LRRC75A: variants seen among roughly 807,000 people sequenced by gnomAD.
LRRC75A encodes leucine rich repeat containing 75A.
LRRC75A carries 12 observed loss-of-function variants against 26.0 expected under a neutral mutation model. The observed-to-expected ratio is 0.46, with a 90% CI of 0.30 to 0.75. LRRC75A has a LOEUF of 0.75. Among genes scored for constraint, LRRC75A ranks in the 30% least tolerant of loss-of-function variants. The pLI is 0.08. For missense variants in LRRC75A, 410 were observed against 486.6 expected (o/e 0.84, Z 1.48); for synonymous variants, 223 against 219.3 (o/e 1.02, Z -0.15).
At chr17:16,464,372 G>A (rs930104090) in intron 1 of LRRC75A, among the ~76,000 whole-genome samples, 3 of 152,178 alleles carry the variant, frequency 2.0e-5, no homozygotes, top group Admixed American at 2.0e-4. Context: ...CTCTGGCCCT[G>A]CCCTGGCTTT....
chr17:16,474,227 C>T (rs115784332), intron 1 of LRRC75A, among the ~76,000 whole-genome samples: 1 of 152,320 alleles, frequency 6.6e-6, no homozygotes, highest in African/African-American at 2.4e-5. Context: ...GCAAGCCACC[C>T]TCCTACACCA....
chr17:16,476,900 G>A lies in LRRC75A; in HGVS notation c.247-14514C>T, dbSNP rs569009707. ...ACCACAGGCGCCCACCACCACGCCT[G>A]GCTAATTTTTTGTATTTTTAGTAGA... On this transcript the variant is annotated intron_variant, in intron 1 of 3. Transcript: ENST00000470794. Among the ~76,000 whole-genome samples the A allele has an allele frequency of 1.7e-3, 266 of 152,024 alleles. 1 individual carries two copies. Among genetic ancestry groups the A allele is most frequent in the Non-Finnish European group, 3.0e-3 (207 of 67,982 alleles).
Position 16,462,724 on chromosome 17 carries a change from T to C in LRRC75A, c.247-338A>G, listed in dbSNP as rs2143156080. 1 of 273,722 alleles carries C rather than the reference T, an allele frequency of 3.7e-6. No homozygotes were observed. Among genetic ancestry groups the C allele is most frequent in the South Asian group, 6.8e-5 (1 of 14,648 alleles). The allele number at this position is 273,722 out of a possible 1,614,324, so 17.0% of individuals were successfully genotyped here. On this transcript the variant is annotated intron_variant, in intron 1 of 3. Coordinates refer to ENST00000470794, the MANE Select transcript of LRRC75A (RefSeq NM_001113567.3). The surrounding 1 kb of genome is among the most constrained non-coding windows in gnomAD (Gnocchi z 4.6). ...CTGCCTCGGTGCAAGCAGCTGCTTCTCTATGGTGGCAAAATTTGGAATTAA... is the reference window on the plus strand; with the variant it reads ...CTGCCTCGGTGCAAGCAGCTGCTTCCCTATGGTGGCAAAATTTGGAATTAA...
chr17:16,485,631 A>AGTGT lies in LRRC75A; in HGVS notation c.246+6110_246+6113dup, dbSNP rs35125617. Among the ~76,000 whole-genome samples, 802 of 128,480 alleles carry AGTGT rather than the reference A, an allele frequency of 6.2e-3. 7 individuals are homozygous for AGTGT. The highest frequency in any genetic ancestry group is 0.015 in the East Asian group (67 of 4,462). The allele number at this position is 128,480 out of a possible 152,430, so 84.3% of individuals were successfully genotyped here. A position where few individuals can be genotyped will look rare whatever the true frequency, so the allele number is the denominator to read the frequency against. ...ACAGCCAGGAGGAGCCAGGACAAGC[A>AGTGT]GTGTGTGTGTGTGTGTGTGTGTGTG... On this transcript the variant is annotated intron_variant, in intron 1 of 3. Coordinates refer to ENST00000470794, the MANE Select transcript of LRRC75A (RefSeq NM_001113567.3).
rs1375152261 is a variant in LRRC75A at position 16,442,024 on chromosome 17, G to C, written c.*1564C>G. ...AGGATGGTCTTGGGTGTCAATTCTT[G>C]AAAATGTGTATTTGAAGAAAAAGTA... On this transcript the variant is annotated 3_prime_UTR_variant, in exon 4 of 4. Transcript: ENST00000470794. 6.6e-6 allele frequency: 1 copy of C among 152,350 alleles called. No individual in the cohort carries two copies. Among genetic ancestry groups the C allele is most frequent in the Non-Finnish European group, 1.5e-5 (1 of 68,196 alleles). The allele number at this position is 152,350 out of a possible 1,614,324, so 9.4% of individuals were successfully genotyped here.
At chr17:16,486,669 C>T (rs1018008941) in intron 1 of LRRC75A, among the ~76,000 whole-genome samples, 7 of 152,230 alleles carry the variant, frequency 4.6e-5, no homozygotes, top group African/African-American at 1.2e-4. Context: ...CTGCACCTGC[C>T]GGATGGGATC....
intron 1 of LRRC75A, among the ~76,000 whole-genome samples, chr17:16,475,074 C>T (rs1268181044): frequency 2.0e-5 from 3 of 151,784 alleles, no homozygotes; most frequent in Non-Finnish European, 2.9e-5. Flanking sequence ...GGTAGAGGAA[C>T]GACTTAGAGG....
At chr17:16,472,392 G>A (rs1380889063) in intron 1 of LRRC75A, among the ~76,000 whole-genome samples, 2 of 152,230 alleles carry the variant, frequency 1.3e-5, no homozygotes, top group African/African-American at 4.8e-5. Context: ...GCGAGCAGGA[G>A]TTTGGTGATG....
intron 1 of LRRC75A, among the ~76,000 whole-genome samples, chr17:16,486,839 CT>C (rs1161601636): frequency 8.5e-5 from 13 of 152,224 alleles, no homozygotes; most frequent in Non-Finnish European, 1.8e-4. Context: ...ACTAACAAGC[CT>C]GGTAAATCAG....
chr17:16,483,810 G>A (rs1168636443), intron 1 of LRRC75A, among the ~76,000 whole-genome samples: 2 of 152,192 alleles, frequency 1.3e-5, no homozygotes, highest in Non-Finnish European at 2.9e-5. Context: ...CCGGAGGAAG[G>A]GAAACAGCTG....
At chr17:16,461,987 C>A (rs1042343525) in intron 2 of LRRC75A, among the ~76,000 whole-genome samples, 1 of 152,200 alleles carries the variant, frequency 6.6e-6, no homozygotes, top group African/African-American at 2.4e-5. Flanking sequence ...GTTGCTGGAG[C>A]TTCCAGTTTT....
At chr17:16,447,427 C>T (rs895056515) in intron 3 of LRRC75A, among the ~76,000 whole-genome samples, 4 of 152,154 alleles carry the variant, frequency 2.6e-5, no homozygotes, top group African/African-American at 9.7e-5. Flanking sequence ...GCCTCAGCCT[C>T]CTGAGAAACT....
At chr17:16,461,141 C>T (rs1274460508) in intron 2 of LRRC75A, 1 of 152,450 alleles carries the variant, frequency 6.6e-6, no homozygotes, top group East Asian at 1.9e-4. Flanking sequence ...AGAAGGCCCC[C>T]GACAAAGCCG....
intron 1 of LRRC75A, among the ~76,000 whole-genome samples, chr17:16,468,376 TAAAAAG>T (rs1055455664): frequency 2.0e-5 from 3 of 152,142 alleles, no homozygotes; most frequent in African/African-American, 7.2e-5. Context: ...TATTCAGCCT[TAAAAAG>T]GAAGGGGATT....
rs531814503 is a variant in LRRC75A at position 16,476,864 on chromosome 17, A to G, written c.247-14478T>C. 2.3e-4 allele frequency among the ~76,000 whole-genome samples: 34 copies of G among 149,800 alleles called. No individual in the cohort carries two copies. The Middle Eastern group carries it at 0.014, about 62-fold the overall frequency. On this transcript the variant is annotated intron_variant, in intron 1 of 3. Transcript: ENST00000470794. ...CGCCATTCTCCTGCCTCAGCCTCCC[A>G]AGTAGCTGGGACCACAGGCGCCCAC... is the stretch of plus-strand genomic sequence containing the variant.
At chr17:16,475,763 C>T (rs1050077376) in intron 1 of LRRC75A, among the ~76,000 whole-genome samples, 19 of 152,008 alleles carry the variant, frequency 1.2e-4, no homozygotes, top group Non-Finnish European at 2.5e-4. Flanking sequence ...TTTGTAGAAA[C>T]GGGCTGAGCA....
At position 16,443,220 on chromosome 17, in the gene LRRC75A, A is replaced by C; in HGVS notation, c.*368T>G. ...GCAGTACATGTAGGGGCCCTACTGT[A>C]TTCTTTTTCTGGGGGAAAGCTCTTG... is the stretch of plus-strand genomic sequence containing the variant. On this transcript the variant is annotated 3_prime_UTR_variant, in exon 4 of 4. Transcript: ENST00000470794. 1 of 231,258 alleles carries C rather than the reference A, an allele frequency of 4.3e-6. No individual in the cohort carries two copies. The highest frequency in any genetic ancestry group is 5.1e-5 in the Admixed American group (1 of 19,512). The allele number at this position is 231,258 out of a possible 1,614,324, so 14.3% of individuals were successfully genotyped here. A position where few individuals can be genotyped will look rare whatever the true frequency, so the allele number is the denominator to read the frequency against.
At chr17:16,467,678 GCTAT>G (rs1398018143) in intron 1 of LRRC75A, among the ~76,000 whole-genome samples, 1 of 152,196 alleles carries the variant, frequency 6.6e-6, no homozygotes, top group Non-Finnish European at 1.5e-5. Flanking sequence ...TGAGAATGAG[GCTAT>G]CTGATTTTTG....
intron 1 of LRRC75A, among the ~76,000 whole-genome samples, chr17:16,468,502 A>T (rs1031042707): frequency 2.0e-5 from 3 of 152,240 alleles, no homozygotes; most frequent in Non-Finnish European, 4.4e-5. Flanking sequence ...TGAGGTATGT[A>T]GACTAGTTAA....
Sources: gnomAD v4.1 joint callset for allele counts (sites outside exome capture counted in the v4.1 genomes callset) on GRCh38, gnomAD v4.1.1 for gene constraint, Gnocchi (gnomAD v3.1) non-coding constraint, MANE v1.5 for transcripts, NCBI Gene and HGNC (gene_info 2026-07-23, HGNC 2026-07-21) for gene names.